GSE1: variants seen among roughly 807,000 people sequenced by gnomAD.
GSE1 encodes the protein genetic suppressor element 1.
Under a neutral mutation model 112.6 loss-of-function variants are expected in GSE1, and 32 were observed. That is an observed-to-expected ratio of 0.28 (90% CI 0.21 to 0.38). The LOEUF is 0.38. GSE1 is among the 10% of genes least tolerant of loss of function. GSE1 has a pLI of 1.00. For synonymous variants in GSE1, 1,115 were observed against 735.6 expected (o/e 1.52, Z -8.35); for missense variants, 2,348 against 1,699.2 (o/e 1.38, Z -6.71).
intron 1 of GSE1, among the ~76,000 whole-genome samples, chr16:85,246,418 C>T (rs1905778682): frequency 7.3e-6 from 1 of 136,904 alleles, no homozygotes; most frequent in African/African-American, 2.8e-5. Context: ...CACACACACA[C>T]ACACCCCATG....
At chr16:85,449,420 C>A (rs558964077) in intron 2 of GSE1, among the ~76,000 whole-genome samples, 2 of 152,256 alleles carry the variant, frequency 1.3e-5, no homozygotes, top group African/African-American at 4.8e-5. Flanking sequence ...GCATGGGGGG[C>A]GGGGAAGATC....
At chr16:85,452,945 G>A (rs1420893214) in intron 2 of GSE1, among the ~76,000 whole-genome samples, 5 of 152,314 alleles carry the variant, frequency 3.3e-5, no homozygotes, top group Middle Eastern at 6.8e-3. Flanking sequence ...GGCACTGAGG[G>A]TCCTCCCTGG....
intron 1 of GSE1, among the ~76,000 whole-genome samples, chr16:85,221,717 G>A (rs1314945060): frequency 6.6e-6 from 1 of 152,198 alleles, no homozygotes; most frequent in Admixed American, 6.5e-5. Flanking sequence ...TTTAAGCCCA[G>A]AGCCAGAGAG....
At chr16:85,426,656 T>G (rs1597722056) in intron 2 of GSE1, among the ~76,000 whole-genome samples, 1 of 140,500 alleles carries the variant, frequency 7.1e-6, no homozygotes, top group Non-Finnish European at 1.5e-5. Flanking sequence ...GGTGGATGGG[T>G]GAATGGAAGG....
chr16:85,668,766 G>C (rs2053091116), intron 14 of GSE1, among the ~76,000 whole-genome samples: 1 of 152,208 alleles, frequency 6.6e-6, no homozygotes, highest in Non-Finnish European at 1.5e-5. Context: ...TGGTTGATTT[G>C]CTGAGCCCTG....
chr16:85,567,034 G>GCCCCCA lies in GSE1; in HGVS notation c.37+10701_37+10706dup, dbSNP rs557302207. 6.9e-3 allele frequency among the ~76,000 whole-genome samples: 1,005 copies of GCCCCCA among 146,678 alleles called. 4 individuals are homozygous for GCCCCCA. Among genetic ancestry groups the GCCCCCA allele is most frequent in the East Asian group, 0.01 (50 of 4,804 alleles). ...GGCCCAGGGACAAGGTGTTACTCCC[G>GCCCCCA]CCCCCACCCCCACCCCCACCCCCAC... On this transcript the variant is annotated intron_variant, in intron 1 of 2. Coordinates refer to the GSE1 transcript ENST00000635906.
At chr16:85,615,313 G>GA (rs569773569) in intron 1 of GSE1, among the ~76,000 whole-genome samples, 4 of 152,244 alleles carry the variant, frequency 2.6e-5, no homozygotes, top group Non-Finnish European at 5.9e-5. Context: ...AGGAGCGCTG[G>GA]AAGAGGCCCT....
rs567321034 is a variant in GSE1, at chr16:85,384,962, G to T, written c.2464+27319G>T. 3.9e-5 allele frequency among the ~76,000 whole-genome samples: 6 copies of T among 152,376 alleles called. No individual in the cohort carries two copies. In the East Asian group the frequency reaches 1.2e-3, roughly 29 times the overall value. On this transcript the variant is annotated intron_variant, in intron 2 of 2. Transcript: ENST00000637419. Reference sequence around the variant, plus strand: ...CCTGCCGCAGACCCAGCAGGTTAGCGTGCTGTGCACACCTGCCCCGCCCGC... The same window carrying T: ...CCTGCCGCAGACCCAGCAGGTTAGCTTGCTGTGCACACCTGCCCCGCCCGC...
intron 1 of GSE1, among the ~76,000 whole-genome samples, chr16:85,299,237 G>A (rs2045451073): frequency 6.6e-6 from 1 of 152,256 alleles, no homozygotes; most frequent in African/African-American, 2.4e-5. Flanking sequence ...TACCTGAGTT[G>A]TTAAGGGGCT....
At chr16:85,371,016 C>G (rs1373917723) in intron 2 of GSE1, among the ~76,000 whole-genome samples, 1 of 152,208 alleles carries the variant, frequency 6.6e-6, no homozygotes, top group Admixed American at 6.5e-5. Flanking sequence ...GTGGCCTGCT[C>G]CACACCCTCG....
chr16:85,427,747 G>A (rs949487996), intron 2 of GSE1, among the ~76,000 whole-genome samples: 12 of 152,092 alleles, frequency 7.9e-5, no homozygotes, highest in East Asian at 1.9e-4. Flanking sequence ...CAGGGGAATC[G>A]CTTGAACCCA....
At position 85,675,495 on chromosome 16, in the gene GSE1, G is replaced by C. The variant is rs987278571; in HGVS notation, c.*2956G>C. On this transcript the variant is annotated 3_prime_UTR_variant, in exon 16 of 16. Coordinates refer to ENST00000253458, the MANE Select transcript of GSE1 (RefSeq NM_014615.5). Reference sequence around the variant, plus strand: ...TACATTCTAATCTTAAAGGAATAAAGCACTGAATTGGGACTAACATTCTGA... The same window carrying C: ...TACATTCTAATCTTAAAGGAATAAACCACTGAATTGGGACTAACATTCTGA... 7.9e-5 allele frequency: 12 copies of C among 152,210 alleles called. No individual in the cohort carries two copies. The highest frequency in any genetic ancestry group is 2.9e-4 in the African/African-American group (12 of 41,454). 9.4% of individuals were successfully genotyped at this position (152,210 alleles called of 1,614,324 possible). A position where few individuals can be genotyped will look rare whatever the true frequency, so the allele number is the denominator to read the frequency against.
exon 1 of GSE1, chr16:85,171,360 C>T (rs1345848823): frequency 2.0e-6 from 2 of 985,514 alleles, no homozygotes; most frequent in African/African-American, 3.5e-5. Flanking sequence ...ACGTGAACCC[C>T]GCCAGCCGCT....
chr16:85,337,746 G>C (rs11642097), intron 1 of GSE1, among the ~76,000 whole-genome samples: 1 of 152,228 alleles, frequency 6.6e-6, no homozygotes, highest in East Asian at 1.9e-4. Context: ...ACAGGGCCCA[G>C]GGCAGGAGTC....
intron 1 of GSE1, among the ~76,000 whole-genome samples, chr16:85,295,138 T>C (rs1343936069): frequency 6.6e-6 from 1 of 152,106 alleles, no homozygotes; most frequent in Non-Finnish European, 1.5e-5. Context: ...ATTCAGTGCA[T>C]AGCATCACCC....
intron 2 of GSE1, among the ~76,000 whole-genome samples, chr16:85,413,198 C>T (rs1217024431): frequency 6.6e-6 from 1 of 152,210 alleles, no homozygotes; most frequent in Non-Finnish European, 1.5e-5. Context: ...CGGGCAGCGG[C>T]CGCTGTGAGT....
chr16:85,299,951 A>C (rs2045474351), intron 1 of GSE1, among the ~76,000 whole-genome samples: 1 of 150,992 alleles, frequency 6.6e-6, no homozygotes, highest in Non-Finnish European at 1.5e-5. Flanking sequence ...AAAAAAAAAA[A>C]CAACCCAACA....
chr16:85,506,691 C>T lies in GSE1; in HGVS notation c.2465-127223C>T, dbSNP rs1013618185. On this transcript the variant is annotated intron_variant, in intron 2 of 2. Coordinates refer to the GSE1 transcript ENST00000637419. The stretch of plus-strand genomic sequence containing the variant: ...CAACCTGGGGAGGTGGGGGCAGCGC[C>T]GTAATCATAACAACTGCTAACGTCG... 2.4e-4 allele frequency among the ~76,000 whole-genome samples: 36 copies of T among 152,148 alleles called. No homozygotes were observed. The Middle Eastern group carries it at 0.01, about 43-fold the overall frequency.
chr16:85,561,767 A>C (rs929416468), intron 1 of GSE1, among the ~76,000 whole-genome samples: 1 of 152,174 alleles, frequency 6.6e-6, no homozygotes, highest in African/African-American at 2.4e-5. Context: ...AGGGGCTTGC[A>C]GGAGGCTGAG....
Sources: gnomAD v4.1 joint callset for allele counts (sites outside exome capture counted in the v4.1 genomes callset) on GRCh38, gnomAD v4.1.1 for gene constraint, MANE v1.5 for transcripts, NCBI Gene and HGNC (gene_info 2026-07-23, HGNC 2026-07-21) for gene names.